STK3: variants seen among roughly 807,000 people sequenced by gnomAD.
STK3 encodes serine/threonine kinase 3, also known as serine/threonine-protein kinase 3.
STK3 carries 41 observed loss-of-function variants against 58.0 expected under a neutral mutation model. The observed-to-expected ratio is 0.71, with a 90% CI of 0.55 to 0.92. The LOEUF is 0.92. Among genes scored for constraint, STK3 ranks in the 40% least tolerant of loss-of-function variants. STK3 has a pLI of 0.00. For synonymous variants in STK3, 170 were observed against 191.0 expected (o/e 0.89, Z 0.91); for missense variants, 479 against 602.7 (o/e 0.79, Z 2.15).
chr8:98,598,019 C>T (rs1815981749), intron 6 of STK3: 1 of 985,212 alleles, frequency 1.0e-6, no homozygotes, highest in Non-Finnish European at 1.2e-6. Context: ...CTACTTCCAA[C>T]TAGAGAATAA....
chr8:98,752,152 C>CA (rs1271387499), intron 3 of STK3, among the ~76,000 whole-genome samples: 1 of 151,928 alleles, frequency 6.6e-6, no homozygotes, highest in African/African-American at 2.4e-5. Context: ...CAATCCTAAG[C>CA]AAAAAGAACA....
upstream of STK3, among the ~76,000 whole-genome samples, chr8:98,827,053 G>T (rs1382568746): frequency 7.4e-6 from 1 of 135,592 alleles, no homozygotes; most frequent in Non-Finnish European, 1.6e-5. Context: ...TTGTCAAGAT[G>T]GGCCGGGCGC....
intron 3 of STK3, among the ~76,000 whole-genome samples, chr8:98,846,122 A>G (rs1226876908): frequency 6.6e-6 from 1 of 152,226 alleles, no homozygotes; most frequent in East Asian, 1.9e-4. Flanking sequence ...TCTCATTCAG[A>G]TGCATCTATG....
intron 4 of STK3, among the ~76,000 whole-genome samples, chr8:98,713,865 G>T (rs1002731567): frequency 1.3e-5 from 2 of 151,874 alleles, no homozygotes; most frequent in Admixed American, 1.3e-4. Flanking sequence ...GATGAACATC[G>T]ATGCAAAAAT....
At chr8:98,580,698 G>C (rs1468768062) in intron 7 of STK3, among the ~76,000 whole-genome samples, 1 of 152,084 alleles carries the variant, frequency 6.6e-6, no homozygotes, top group Non-Finnish European at 1.5e-5. Context: ...CTATAGTCTT[G>C]ACCTCCTGGG....
chr8:98,567,093 G>A (rs1812541599), intron 8 of STK3, among the ~76,000 whole-genome samples: 1 of 152,242 alleles, frequency 6.6e-6, no homozygotes, highest in Non-Finnish European at 1.5e-5. Flanking sequence ...CACATGTTAA[G>A]TCAAGCACAG....
chr8:98,449,644 G>A (rs1044292193), downstream of STK3, among the ~76,000 whole-genome samples: 1 of 152,110 alleles, frequency 6.6e-6, no homozygotes, highest in Admixed American at 6.6e-5. Flanking sequence ...AAAGAGGAGG[G>A]GGAAAGTTTA....
chr8:98,604,966 T>C (rs990167399), intron 6 of STK3, among the ~76,000 whole-genome samples: 1 of 152,192 alleles, frequency 6.6e-6, no homozygotes, highest in African/African-American at 2.4e-5. Flanking sequence ...AAAATGCCAC[T>C]AGGTTCTTTG....
chr8:98,433,366 G>A (rs1463571594), intron 3 of STK3, among the ~76,000 whole-genome samples: 2 of 152,186 alleles, frequency 1.3e-5, no homozygotes, highest in Non-Finnish European at 2.9e-5. Flanking sequence ...AACCCTGAGT[G>A]TCCTGGCTGG....
chr8:98,801,028 C>T (rs925081942), intron 1 of STK3, among the ~76,000 whole-genome samples: 2 of 152,242 alleles, frequency 1.3e-5, no homozygotes, highest in African/African-American at 4.8e-5. Context: ...ATGGGATTCA[C>T]TAGGCGAAGC....
At chr8:98,614,358 T>A in intron 6 of STK3, among the ~76,000 whole-genome samples, 1 of 151,946 alleles carries the variant, frequency 6.6e-6, no homozygotes, top group East Asian at 1.9e-4. Flanking sequence ...TAGAAATCAA[T>A]AACAGAGACA....
At chr8:98,660,171 G>T (rs946798791) in intron 6 of STK3, among the ~76,000 whole-genome samples, 2 of 151,986 alleles carry the variant, frequency 1.3e-5, no homozygotes, top group Non-Finnish European at 2.9e-5. Flanking sequence ...ATTGCAAAAA[G>T]AAAAATACTC....
intron 6 of STK3, among the ~76,000 whole-genome samples, chr8:98,639,357 C>G (rs552251048): frequency 1.2e-4 from 19 of 152,282 alleles, no homozygotes; most frequent in Non-Finnish European, 2.8e-4. Flanking sequence ...AAGCAATCCA[C>G]CCACCTCAGC....
intron 1 of STK3, among the ~76,000 whole-genome samples, chr8:98,784,840 T>G (rs929244010): frequency 2.0e-5 from 3 of 152,186 alleles, no homozygotes; most frequent in African/African-American, 7.2e-5. Context: ...AGGGGGGCCC[T>G]CTCTGCTCCA....
chr8:98,645,996 C>G (rs1820372519), intron 6 of STK3, among the ~76,000 whole-genome samples: 1 of 152,076 alleles, frequency 6.6e-6, no homozygotes, highest in African/African-American at 2.4e-5. Context: ...ATGTCAACTT[C>G]AAGAAAATGA....
chr8:98,881,055 A>G (rs1837773924), downstream of STK3: 1 of 152,208 alleles, frequency 6.6e-6, no homozygotes, highest in Non-Finnish European at 1.5e-5. Flanking sequence ...CCAATAACAT[A>G]TAGCATATTA....
At chr8:98,939,283 T>C (rs1029056005) in intron 1 of STK3, among the ~76,000 whole-genome samples, 2 of 152,134 alleles carry the variant, frequency 1.3e-5, no homozygotes, top group African/African-American at 4.8e-5. Flanking sequence ...TGGACCCCAA[T>C]GTCAATCTGA....
intron 3 of STK3, among the ~76,000 whole-genome samples, chr8:98,837,223 G>T (rs1587728947): frequency 6.6e-6 from 1 of 152,132 alleles, no homozygotes; most frequent in East Asian, 1.9e-4. Flanking sequence ...TGCCCTCTCA[G>T]AACTGCTTAG....
Position 98,687,292 on chromosome 8 carries a change from T to C in STK3, c.684+19175A>G, listed in dbSNP as rs540169219. Reference sequence around the variant, plus strand: ...AGGGTTGGAGGGGGTGGTTTAGGGATGAAACTGTTCCACCTCAGTTCATCA... The same window carrying C: ...AGGGTTGGAGGGGGTGGTTTAGGGACGAAACTGTTCCACCTCAGTTCATCA... On this transcript the variant is annotated intron_variant, in intron 6 of 10. Coordinates refer to ENST00000419617, the MANE Select transcript of STK3 (RefSeq NM_006281.4). Among the ~76,000 whole-genome samples, 12 of 152,314 alleles carry C rather than the reference T, an allele frequency of 7.9e-5. No homozygotes were observed. In the South Asian group the frequency reaches 1.9e-3, roughly 24 times the overall value.
Sources: allele counts gnomAD v4.1 joint callset (sites outside exome capture counted in the v4.1 genomes callset), GRCh38; gene constraint gnomAD v4.1.1; transcripts MANE v1.5; gene names NCBI Gene and HGNC (gene_info 2026-07-23, HGNC 2026-07-21).